The following CCNB2 variants were observed in gnomAD, a reference collection of about 807,000 sequenced individuals.
CCNB2 encodes G2/mitotic-specific cyclin-B2.
In CCNB2, 39 loss-of-function variants were observed where a neutral mutation model predicts 51.1. The observed-to-expected ratio is 0.76, with a 90% CI of 0.59 to 1.00. CCNB2 has a LOEUF of 1.00. Ranked by LOEUF, CCNB2 falls within the 50% of genes least tolerant of loss-of-function variation. The pLI is 0.00. For missense variants in CCNB2, 472 were observed against 470.3 expected (o/e 1.00, Z -0.03); for synonymous variants, 174 against 165.5 (o/e 1.05, Z -0.40).
chr15:59,116,968 G>A (rs1396569953), intron 6 of CCNB2, 42 bp downstream of exon 6: 12 of 1,491,978 alleles, frequency 8.0e-6, no homozygotes, highest in African/African-American at 1.4e-5. Flanking sequence ...TTTGCTTGGT[G>A]TCTCATCCCA....
intron 3 of CCNB2, among the ~76,000 whole-genome samples, chr15:59,107,896 G>A (rs2079242525): frequency 6.6e-6 from 1 of 152,164 alleles, no homozygotes; most frequent in Non-Finnish European, 1.5e-5. Context: ...CACTTTGAGA[G>A]GCTGAGGCAG....
chr15:59,120,976 A>T (rs1297502788), intron 7 of CCNB2: 1 of 152,186 alleles, frequency 6.6e-6, no homozygotes, highest in Non-Finnish European at 1.5e-5. Flanking sequence ...CATGAATTAA[A>T]TCTTGAGGAA....
At chr15:59,114,685 G>A in intron 4 of CCNB2, 33 bp from the exon 5 acceptor site, 1 of 1,592,734 alleles carries the variant, frequency 6.3e-7, no homozygotes, top group Non-Finnish European at 8.6e-7. Context: ...AGCAAACAAG[G>A]TCAGCTTTTT....
intron 7 of CCNB2, chr15:59,121,581 G>A (rs558685520): frequency 2.6e-5 from 4 of 152,198 alleles, no homozygotes; most frequent in African/African-American, 9.7e-5. Flanking sequence ...CAGATTGCTT[G>A]AGCCCAGCAG....
In CCNB2 at chr15:59,117,234, G is replaced by A. The variant is rs2140289184; in HGVS notation, c.841G>A (p.Val281Ile). 6.2e-7 allele frequency: 1 copy of A among 1,612,528 alleles called. No individual in the cohort carries two copies. Among genetic ancestry groups the A allele is most frequent in the East Asian group, 2.2e-5 (1 of 44,864 alleles). ...CCTTGCTGTTCTTTCTTAGGTTGAT[G>A]TTGAACAGCACACTTTAGCCAAGTA... ...RRASKAGEVD[V>I]EQHTLAKYLM... The change falls in exon 7 of 9, where the codon GTT (valine) becomes ATT (isoleucine). Residue 281 changes from valine to isoleucine, a missense_variant. Transcript: ENST00000288207.
At chr15:59,110,277 G>C (rs2079252732) in intron 3 of CCNB2, among the ~76,000 whole-genome samples, 2 of 152,146 alleles carry the variant, frequency 1.3e-5, no homozygotes, top group African/African-American at 4.8e-5. Flanking sequence ...TGGACCCGTA[G>C]CTCAGTTCAT....
chr15:59,111,127 A>G (rs1355253692), intron 3 of CCNB2, among the ~76,000 whole-genome samples: 3 of 152,256 alleles, frequency 2.0e-5, no homozygotes, highest in African/African-American at 7.2e-5. Context: ...TTGGAGTTCA[A>G]AATGAATGCT....
At chr15:59,112,801 G>A (rs534102578) in intron 3 of CCNB2, among the ~76,000 whole-genome samples, 6 of 151,576 alleles carry the variant, frequency 4.0e-5, no homozygotes, top group Non-Finnish European at 4.4e-5. Flanking sequence ...TTGGGAGGCC[G>A]AGGTGGGCGG....
Position 59,124,797 on chromosome 15 carries a change from C to T in CCNB2, c.1117C>T (p.Leu373Phe), listed in dbSNP as rs764347481. 20 of 1,613,668 alleles carry T rather than the reference C, an allele frequency of 1.2e-5. No homozygotes were observed. Among genetic ancestry groups the T allele is most frequent in the Non-Finnish European group, 1.4e-5 (17 of 1,179,834 alleles). The change falls in exon 9 of 9, where the codon CTC (leucine) becomes TTC (phenylalanine). Residue 373 changes from leucine to phenylalanine, a missense_variant. By Grantham distance (22) the Leu-to-Phe change is conservative. Coordinates refer to ENST00000288207, the MANE Select transcript of CCNB2 (RefSeq NM_004701.4). Reference sequence around the variant, plus strand: ...CAAGAATAAGTATGCAAGCAGCAAACTCCTGAAGATCAGCATGATCCCTCA... The same window carrying T: ...CAAGAATAAGTATGCAAGCAGCAAATTCCTGAAGATCAGCATGATCCCTCA... ...AIKNKYASSK[L>F]LKISMIPQLN...
chr15:59,110,096 T>G lies in CCNB2; in HGVS notation c.267+2426T>G, dbSNP rs1251240704. Among the ~76,000 whole-genome samples, 4 of 152,302 alleles carry G rather than the reference T, an allele frequency of 2.6e-5. No homozygotes were observed. In the East Asian group the frequency reaches 7.7e-4, roughly 29 times the overall value. ...AAGAAAAGAAGGCTTTTTTTTTTCTTTTTTTAAAAGCAAAGACCATAAATA... is the reference window on the plus strand; with the variant it reads ...AAGAAAAGAAGGCTTTTTTTTTTCTGTTTTTAAAAGCAAAGACCATAAATA... On this transcript the variant is annotated intron_variant, in intron 3 of 8. Transcript: ENST00000288207.
intron 3 of CCNB2, among the ~76,000 whole-genome samples, chr15:59,110,416 C>CT (rs1386737390): frequency 2.0e-5 from 3 of 152,234 alleles, no homozygotes; most frequent in South Asian, 4.1e-4. Context: ...GAAGGAATCT[C>CT]TAAGTCCACG....
Position 59,124,764 on chromosome 15 carries a change from C to T in CCNB2, c.1087-3C>T. 3 of 1,608,230 alleles carry T rather than the reference C, an allele frequency of 1.9e-6. No homozygotes were observed. The highest frequency in any genetic ancestry group is 2.6e-6 in the Non-Finnish European group (3 of 1,174,708). On this transcript the variant is annotated splice_region_variant and splice_polypyrimidine_tract_variant and intron_variant, in intron 8 of 8. Transcript: ENST00000288207. ...TGTGCTTAATCACAAATGACTTCTG[C>T]AGGCCATCAAGAATAAGTATGCAAG...
intron 3 of CCNB2, among the ~76,000 whole-genome samples, chr15:59,109,642 T>C (rs572747764): frequency 3.3e-5 from 5 of 152,230 alleles, no homozygotes; most frequent in African/African-American, 9.6e-5. Flanking sequence ...ATGGTAGTTA[T>C]TTTTGAATAT....
At chr15:59,111,856 CTTTTTTTT>C (rs11327656) in intron 3 of CCNB2, among the ~76,000 whole-genome samples, 5 of 133,984 alleles carry the variant, frequency 3.7e-5, no homozygotes, top group African/African-American at 1.1e-4. Context: ...TTCTTTCTTT[CTTTTTTTT>C]TTTTTTTTTG....
chr15:59,116,556 A>G (rs909742465), intron 5 of CCNB2, 134 bp from the exon 6 acceptor site: 1 of 402,052 alleles, frequency 2.5e-6, no homozygotes, highest in Non-Finnish European at 4.4e-6. Context: ...GTGGTAGAAC[A>G]GTCAGGTCTC....
Position 59,122,266 on chromosome 15 carries a change from TGA to T in CCNB2, c.976-1248_976-1247del, listed in dbSNP as rs1355251978. Among the ~76,000 whole-genome samples, 6 of 140,624 alleles carry T rather than the reference TGA, an allele frequency of 4.3e-5. No individual in the cohort carries two copies. The East Asian group carries it at 1.2e-3, about 29-fold the overall frequency. The allele number at this position is 140,624 out of a possible 152,430, so 92.3% of individuals were successfully genotyped here. A position where few individuals can be genotyped will look rare whatever the true frequency, so the allele number is the denominator to read the frequency against. ...CTTTTTTTTTTTTTTTTTTTTTTTT[TGA>T]GACAGAGTCTTTCTCTGTCACCCAG... On this transcript the variant is annotated intron_variant, in intron 7 of 8. Coordinates refer to ENST00000288207, the MANE Select transcript of CCNB2 (RefSeq NM_004701.4).
chr15:59,123,768 T>C, intron 8 of CCNB2, 141 bp downstream of exon 8: 2 of 627,520 alleles, frequency 3.2e-6, no homozygotes, highest in Non-Finnish European at 5.8e-6. Flanking sequence ...CCTTTATCCT[T>C]TATATTTTTC....
chr15:59,112,975 A>C (rs1433058943), intron 3 of CCNB2, among the ~76,000 whole-genome samples: 1 of 151,942 alleles, frequency 6.6e-6, no homozygotes, highest in Non-Finnish European at 1.5e-5. Context: ...CGGAGCTTGC[A>C]GTGAGCCAAG....
chr15:59,107,800 G>C (rs2079242205), intron 3 of CCNB2, 130 bp downstream of exon 3: 15 of 684,226 alleles, frequency 2.2e-5, no homozygotes, highest in Non-Finnish European at 3.5e-5. Context: ...TGAAGCAATA[G>C]TGTAGGAAAT....
Sources: allele counts gnomAD v4.1 joint callset (sites outside exome capture counted in the v4.1 genomes callset), GRCh38; gene constraint gnomAD v4.1.1; transcripts MANE v1.5; gene names NCBI Gene and HGNC (gene_info 2026-07-23, HGNC 2026-07-21).